TENM4: variants seen among roughly 807,000 people sequenced by gnomAD.
The protein encoded by TENM4 is teneurin transmembrane protein 4.
A neutral mutation model predicts 243.3 loss-of-function variants in TENM4; 82 were observed. That is an observed-to-expected ratio of 0.34 (90% CI 0.28 to 0.40). The LOEUF is 0.40. TENM4 is among the 10% of genes least tolerant of loss of function. The pLI is 1.00. For synonymous variants in TENM4, 1,412 were observed against 1,456.3 expected (o/e 0.97, Z 0.69); for missense variants, 3,138 against 3,673.3 (o/e 0.85, Z 3.77).
chr11:78,863,985 G>A (rs1033906851), intron 9 of TENM4, among the ~76,000 whole-genome samples: 4 of 152,084 alleles, frequency 2.6e-5, no homozygotes, highest in Non-Finnish European at 2.9e-5. Flanking sequence ...CAACAAAATT[G>A]GATGCAACCA....
chr11:79,329,798 A>C (rs1386843283), intron 1 of TENM4, among the ~76,000 whole-genome samples: 1 of 152,226 alleles, frequency 6.6e-6, no homozygotes, highest in Non-Finnish European at 1.5e-5. Context: ...TAGGCTGTGC[A>C]GGTCTCAGCA....
chr11:79,403,894 A>G (rs1858513853), intron 1 of TENM4, among the ~76,000 whole-genome samples: 1 of 152,222 alleles, frequency 6.6e-6, no homozygotes, highest in South Asian at 2.1e-4. Flanking sequence ...CCTTTCAAAG[A>G]TGCAGAAACT....
At chr11:78,745,231 T>C (rs1856022971) in intron 19 of TENM4, among the ~76,000 whole-genome samples, 6 of 148,278 alleles carry the variant, frequency 4.0e-5, no homozygotes, top group Non-Finnish European at 1.5e-5. Flanking sequence ...CTTTTTCTTT[T>C]TTTTTTTTTT....
intron 12 of TENM4, among the ~76,000 whole-genome samples, chr11:78,815,763 T>C (rs998243895): frequency 1.3e-5 from 2 of 152,228 alleles, no homozygotes; most frequent in African/African-American, 4.8e-5. Context: ...CAAGTACATA[T>C]TGTTATTCCT....
intron 6 of TENM4, among the ~76,000 whole-genome samples, chr11:78,921,945 CCATCAAGG>C (rs1349146829): frequency 4.6e-5 from 7 of 152,218 alleles, no homozygotes; most frequent in Non-Finnish European, 7.3e-5. Flanking sequence ...GTCATCTCTA[CCATCAAGG>C]CACTGAGCCT....
chr11:78,930,853 T>C (rs1856652527), intron 6 of TENM4, among the ~76,000 whole-genome samples: 1 of 152,172 alleles, frequency 6.6e-6, no homozygotes, highest in Non-Finnish European at 1.5e-5. Flanking sequence ...GAAGAAAAAT[T>C]CGACACACTC....
intron 6 of TENM4, among the ~76,000 whole-genome samples, chr11:79,005,714 T>C (rs1433706398): frequency 1.3e-5 from 2 of 152,140 alleles, no homozygotes; most frequent in Non-Finnish European, 1.5e-5. Flanking sequence ...TCACCACTCC[T>C]ATCCAACACA....
chr11:78,720,034 C>T (rs1009834870), intron 25 of TENM4, among the ~76,000 whole-genome samples: 34 of 152,188 alleles, frequency 2.2e-4, no homozygotes, highest in African/African-American at 5.3e-4. Flanking sequence ...CTATCAAAGT[C>T]GTTCAATGCA....
chr11:78,862,535 T>C (rs987961688), intron 10 of TENM4, among the ~76,000 whole-genome samples: 4 of 152,180 alleles, frequency 2.6e-5, no homozygotes, highest in African/African-American at 9.7e-5. Flanking sequence ...CTGGTGTTTC[T>C]ATTAAACCAC....
At chr11:79,089,392 G>C (rs984621274) in intron 4 of TENM4, among the ~76,000 whole-genome samples, 1 of 152,218 alleles carries the variant, frequency 6.6e-6, no homozygotes, top group African/African-American at 2.4e-5. Context: ...TCAGAGCCTG[G>C]TGCTAAACAG....
At chr11:79,407,300 G>A (rs1420670501) in intron 1 of TENM4, among the ~76,000 whole-genome samples, 2 of 152,162 alleles carry the variant, frequency 1.3e-5, no homozygotes, top group South Asian at 2.1e-4. Context: ...GATGCTGGAC[G>A]TCTTAATGAG....
At chr11:78,752,538 A>C (rs1363149286) in intron 19 of TENM4, among the ~76,000 whole-genome samples, 1 of 152,236 alleles carries the variant, frequency 6.6e-6, no homozygotes, top group African/African-American at 2.4e-5. Context: ...TCTGGGTGAC[A>C]ACCTGCTTCC....
chr11:79,393,439 C>G (rs773990583), intron 1 of TENM4, among the ~76,000 whole-genome samples: 17 of 152,188 alleles, frequency 1.1e-4, no homozygotes, highest in Non-Finnish European at 2.2e-4. Context: ...AATGGGACAA[C>G]AGCAAAGCCA....
chr11:78,762,814 G>A (rs1166808965), intron 18 of TENM4, among the ~76,000 whole-genome samples: 1 of 152,028 alleles, frequency 6.6e-6, no homozygotes, highest in African/African-American at 2.4e-5. Context: ...GTTCTACAGT[G>A]AGGGGGAATG....
At chr11:78,711,587 C>A (rs1211647676) in intron 26 of TENM4, among the ~76,000 whole-genome samples, 2 of 152,112 alleles carry the variant, frequency 1.3e-5, no homozygotes, top group East Asian at 3.8e-4. Flanking sequence ...TTAATTTTGA[C>A]CATCAGAATA....
chr11:79,165,290 C>G (rs1436242491), intron 3 of TENM4, among the ~76,000 whole-genome samples: 1 of 152,074 alleles, frequency 6.6e-6, no homozygotes, highest in African/African-American at 2.4e-5. Context: ...TTCACCACAT[C>G]CATGCCAATA....
rs530410100 is a variant in TENM4 at position 79,059,320 on chromosome 11, T to C, written c.493+5418A>G. Among the ~76,000 whole-genome samples, 33 of 152,272 alleles carry C rather than the reference T, an allele frequency of 2.2e-4. No individual in the cohort carries two copies. In the South Asian group the frequency reaches 6.9e-3, roughly 32 times the overall value. ...TGCAATTGTCTCTATTGGGAATGCCTCTCTCAGATCCCTCACACTCAGTGA... is the reference window on the plus strand; with the variant it reads ...TGCAATTGTCTCTATTGGGAATGCCCCTCTCAGATCCCTCACACTCAGTGA... On this transcript the variant is annotated intron_variant, in intron 6 of 33. Coordinates refer to ENST00000278550, the MANE Select transcript of TENM4 (RefSeq NM_001098816.3).
At chr11:78,772,989 C>G (rs919917594) in intron 17 of TENM4, among the ~76,000 whole-genome samples, 1 of 152,376 alleles carries the variant, frequency 6.6e-6, no homozygotes, top group Middle Eastern at 3.4e-3. Context: ...CTGTGACACA[C>G]AGGCGGCTAT....
chr11:78,675,605 G>A (rs900351539), intron 30 of TENM4, among the ~76,000 whole-genome samples: 1 of 152,212 alleles, frequency 6.6e-6, no homozygotes, highest in Non-Finnish European at 1.5e-5. Context: ...CTGAATGTCA[G>A]ACCATGATGC....
Sources: allele counts gnomAD v4.1 joint callset (sites outside exome capture counted in the v4.1 genomes callset), GRCh38; gene constraint gnomAD v4.1.1; transcripts MANE v1.5; gene names NCBI Gene and HGNC (gene_info 2026-07-23, HGNC 2026-07-21).